PPP2R5E: variants seen among roughly 807,000 people sequenced by gnomAD.
PPP2R5E encodes serine/threonine-protein phosphatase 2A 56 kDa regulatory subunit epsilon isoform.
A neutral mutation model predicts 65.3 loss-of-function variants in PPP2R5E; 4 were observed. That is an observed-to-expected ratio of 0.06 (90% CI 0.03 to 0.14). PPP2R5E has a LOEUF of 0.14. PPP2R5E is among the 10% of genes least tolerant of loss of function. The pLI, the probability that PPP2R5E is intolerant of heterozygous loss-of-function variation, is 1.00. For synonymous variants in PPP2R5E, 183 were observed against 187.4 expected (o/e 0.98, Z 0.19); for missense variants, 274 against 556.1 (o/e 0.49, Z 5.10).
At chr14:63,515,367 C>T (rs1176835569) in intron 2 of PPP2R5E, among the ~76,000 whole-genome samples, 1 of 152,162 alleles carries the variant, frequency 6.6e-6, no homozygotes, top group Non-Finnish European at 1.5e-5. Flanking sequence ...TCAGCATCTA[C>T]CAAGTCAAGA....
chr14:63,453,440 C>A lies in PPP2R5E; in HGVS notation c.354+249G>T, dbSNP rs78441077. On this transcript the variant is annotated intron_variant, in intron 3 of 13. Coordinates refer to ENST00000337537, the MANE Select transcript of PPP2R5E (RefSeq NM_006246.5). ...AGCTAGAAATCCAGTAATACCCTGG[C>A]AATCTTGGCTTCATATTTTGAAGTC... is the stretch of plus-strand genomic sequence containing the variant. 1.2e-3 allele frequency: 330 copies of A among 282,648 alleles called. 5 individuals carry two copies. Among genetic ancestry groups the A allele is most frequent in the African/African-American group, 6.5e-3 (301 of 46,146 alleles). 17.5% of individuals were successfully genotyped at this position (282,648 alleles called of 1,614,324 possible).
intron 2 of PPP2R5E, among the ~76,000 whole-genome samples, chr14:63,533,437 T>C (rs1216363756): frequency 6.6e-6 from 1 of 151,620 alleles, no homozygotes; most frequent in Non-Finnish European, 1.5e-5. Flanking sequence ...GGCGCATGCC[T>C]GTAATCCCAG....
In PPP2R5E at chr14:63,373,700, A is replaced by G. The variant is rs1318545813; in HGVS notation, c.*2309T>C. 6.6e-6 allele frequency: 1 copy of G among 152,206 alleles called. No homozygotes were observed. Among genetic ancestry groups the G allele is most frequent in the African/African-American group, 2.4e-5 (1 of 41,428 alleles). The allele number at this position is 152,206 out of a possible 1,614,324, so 9.4% of individuals were successfully genotyped here. On this transcript the variant is annotated 3_prime_UTR_variant, in exon 14 of 14. Coordinates refer to ENST00000337537, the MANE Select transcript of PPP2R5E (RefSeq NM_006246.5). The stretch of plus-strand genomic sequence containing the variant: ...CTTGAAGACAGGGTAAGGTACAAAA[A>G]AGGATCCTGGCCTTTCTCATTTCAA...
intron 2 of PPP2R5E, among the ~76,000 whole-genome samples, chr14:63,523,909 T>A (rs1397118944): frequency 6.6e-6 from 1 of 152,236 alleles, no homozygotes; most frequent in Non-Finnish European, 1.5e-5. Context: ...ACAGCTGTGA[T>A]TCCTACACTG....
intron 2 of PPP2R5E, among the ~76,000 whole-genome samples, chr14:63,522,002 T>C (rs192631755): frequency 0.15 from 18,912 of 130,204 alleles, 1,299 homozygotes; most frequent in African/African-American, 0.19. Flanking sequence ...GAGCCGAAGC[T>C]GGACTGTACT....
At chr14:63,379,906 C>T (rs1884232571) in intron 13 of PPP2R5E, among the ~76,000 whole-genome samples, 1 of 135,190 alleles carries the variant, frequency 7.4e-6, no homozygotes, top group African/African-American at 3.0e-5. Context: ...ATGATCTTAG[C>T]TCACTGCAAC....
chr14:63,478,073 T>G (rs8008684), intron 2 of PPP2R5E, among the ~76,000 whole-genome samples: 49,797 of 151,970 alleles, frequency 0.33, 10,867 homozygotes, highest in African/African-American at 0.62. Context: ...GTCACCTGCT[T>G]AAACTACATA....
At chr14:63,452,473 T>C (rs1192069975) in intron 3 of PPP2R5E, 1 of 152,216 alleles carries the variant, frequency 6.6e-6, no homozygotes, top group Non-Finnish European at 1.5e-5. Flanking sequence ...TCACATCTAG[T>C]TGTGACTACC....
intron 3 of PPP2R5E, among the ~76,000 whole-genome samples, chr14:63,432,360 G>A (rs1887719791): frequency 6.6e-6 from 1 of 152,208 alleles, no homozygotes; most frequent in Non-Finnish European, 1.5e-5. Context: ...AACATACGGT[G>A]ATTGCTTCTA....
chr14:63,399,210 T>C (rs565916022), intron 5 of PPP2R5E, among the ~76,000 whole-genome samples: 2 of 152,202 alleles, frequency 1.3e-5, no homozygotes, highest in Admixed American at 1.3e-4. Context: ...ACAACATCAA[T>C]GAATCTTTCA....
intron 11 of PPP2R5E, among the ~76,000 whole-genome samples, chr14:63,385,109 T>C (rs886136532): frequency 6.6e-6 from 1 of 152,040 alleles, no homozygotes; most frequent in Non-Finnish European, 1.5e-5. Flanking sequence ...GGCAGATCAC[T>C]TGAGCCCAAG....
intron 2 of PPP2R5E, among the ~76,000 whole-genome samples, chr14:63,515,162 A>G (rs1892616847): frequency 6.6e-6 from 1 of 152,220 alleles, no homozygotes; most frequent in South Asian, 2.1e-4. Context: ...GAAAAAAATA[A>G]ATGTCAAAAA....
At chr14:63,500,186 T>C (rs1891793998) in intron 2 of PPP2R5E, among the ~76,000 whole-genome samples, 1 of 152,208 alleles carries the variant, frequency 6.6e-6, no homozygotes, top group Non-Finnish European at 1.5e-5. Context: ...TGAAAGTCTA[T>C]GAGAAATAAA....
At chr14:63,446,881 C>G (rs1888509111) in intron 3 of PPP2R5E, among the ~76,000 whole-genome samples, 1 of 151,190 alleles carries the variant, frequency 6.6e-6, no homozygotes, top group Non-Finnish European at 1.5e-5. Context: ...CCTTGTATAT[C>G]TCCATTAGAG....
chr14:63,428,003 T>A (rs1887432834), intron 3 of PPP2R5E, among the ~76,000 whole-genome samples: 1 of 152,174 alleles, frequency 6.6e-6, no homozygotes, highest in African/African-American at 2.4e-5. Context: ...TACTCCCATT[T>A]CTTTTTAACA....
At chr14:63,476,122 G>A (rs1455369628) in intron 2 of PPP2R5E, among the ~76,000 whole-genome samples, 1 of 152,132 alleles carries the variant, frequency 6.6e-6, no homozygotes, top group African/African-American at 2.4e-5. Flanking sequence ...AACACAAGCT[G>A]GAGTCAGAAT....
At chr14:63,446,701 C>T (rs1473851277) in intron 3 of PPP2R5E, among the ~76,000 whole-genome samples, 3 of 151,648 alleles carry the variant, frequency 2.0e-5, no homozygotes, top group Admixed American at 6.6e-5. Flanking sequence ...CAGTGGCAGG[C>T]GCCTGTAGTC....
chr14:63,377,134 G>C (rs1269567606), intron 13 of PPP2R5E, among the ~76,000 whole-genome samples: 2 of 150,548 alleles, frequency 1.3e-5, no homozygotes, highest in Non-Finnish European at 2.9e-5. Flanking sequence ...GGGGGACAGA[G>C]CAAGACTCCG....
chr14:63,450,881 T>C (rs961685500), intron 3 of PPP2R5E, among the ~76,000 whole-genome samples: 21 of 151,292 alleles, frequency 1.4e-4, no homozygotes, highest in Non-Finnish European at 2.8e-4. Context: ...AGGAAAACAA[T>C]AGTAGCACTT....
Sources: gnomAD v4.1 joint callset for allele counts (sites outside exome capture counted in the v4.1 genomes callset) on GRCh38, gnomAD v4.1.1 for gene constraint, MANE v1.5 for transcripts, NCBI Gene and HGNC (gene_info 2026-07-23, HGNC 2026-07-21) for gene names.